The following TAB2 variants were observed in gnomAD, a reference collection of about 807,000 sequenced individuals.
The protein encoded by TAB2 is TGF-beta-activated kinase 1 and MAP3K7-binding protein 2.
TAB2 carries 3 observed loss-of-function variants against 65.0 expected under a neutral mutation model. That is an observed-to-expected ratio of 0.05 (90% CI 0.02 to 0.12). The LOEUF is 0.12. TAB2 is among the 10% of genes least tolerant of loss of function. The probability of loss-of-function intolerance (pLI) is 1.00; values close to 1 mark genes in which losing one functional copy is unlikely to be tolerated. For missense variants in TAB2, 623 were observed against 840.3 expected, an observed-to-expected ratio of 0.74 and a Z score of 3.20; for synonymous variants, 298 against 285.1, an observed-to-expected ratio of 1.05 and a Z score of -0.46.
At chr6:149,241,837 A>G (rs1400012438) in intron 1 of TAB2, among the ~76,000 whole-genome samples, 12 of 152,186 alleles carry the variant, frequency 7.9e-5, no homozygotes, top group East Asian at 3.8e-4. Context: ...ATACGAGTAG[A>G]AAGTAGAAAG....
At chr6:149,262,094 G>A (rs1778163670) in intron 1 of TAB2, among the ~76,000 whole-genome samples, 1 of 152,226 alleles carries the variant, frequency 6.6e-6, no homozygotes, top group Non-Finnish European at 1.5e-5. Context: ...TAGTGGAAAT[G>A]TGTGGATGTT....
intron 1 of TAB2, among the ~76,000 whole-genome samples, chr6:149,357,421 G>GAAAAAA (rs1244546884): frequency 7.4e-5 from 8 of 108,430 alleles, no homozygotes; most frequent in African/African-American, 3.1e-4. Context: ...GTCTCAAGGA[G>GAAAAAA]AAAAAAAAAA....
chr6:149,240,354 G>A (rs1043113968), intron 1 of TAB2, among the ~76,000 whole-genome samples: 2 of 152,134 alleles, frequency 1.3e-5, no homozygotes, highest in Non-Finnish European at 2.9e-5. Flanking sequence ...CGTGGTGGCA[G>A]GTTCCTCCAG....
In TAB2 at chr6:149,297,724, G is replaced by T. The variant is rs1778902080; in HGVS notation, c.-121+78948G>T. Among the ~76,000 whole-genome samples, 4 of 151,880 alleles carry T rather than the reference G, an allele frequency of 2.6e-5. 1 individual carries two copies. In the South Asian group the frequency reaches 8.3e-4, roughly 31 times the overall value. ...TGTTTTTATTTTTTTGTAGAGACAG[G>T]GTCTCACTATGTTGCCCAGGCTGAT... On this transcript the variant is annotated intron_variant, in intron 1 of 1. Transcript: ENST00000606202.
At chr6:149,308,921 GT>G (rs753967217) in intron 1 of TAB2, among the ~76,000 whole-genome samples, 8 of 151,998 alleles carry the variant, frequency 5.3e-5, no homozygotes, top group Admixed American at 2.0e-4. Context: ...TTAACTCTTA[GT>G]TTCTGTAGAC....
chr6:149,285,032 A>C (rs1160679142), intron 1 of TAB2, among the ~76,000 whole-genome samples: 1 of 152,140 alleles, frequency 6.6e-6, no homozygotes, highest in East Asian at 1.9e-4. Context: ...GAAATGAAAG[A>C]TGTGCCTGCT....
chr6:149,378,389 C>G lies in TAB2; in HGVS notation c.474C>G (p.His158Gln). 10 of 1,614,204 alleles carry G rather than the reference C, an allele frequency of 6.2e-6. No homozygotes were observed. The highest frequency in any genetic ancestry group is 8.5e-6 in the Non-Finnish European group (10 of 1,180,038). ...ASNSAPHLGF[H>Q]LGSKGTSSLS... is the part of the protein sequence containing the mutation. ...ATTCAGCACCACATCTTGGATTTCA[C>G]TTAGGCAGCAAAGGAACATCTAGCC... Residue 158 changes from histidine to glutamine, a missense_variant, in exon 3 of 7, where the codon CAC becomes CAG. Coordinates refer to ENST00000637181, the MANE Select transcript of TAB2 (RefSeq NM_001292034.3).
At chr6:149,263,426 G>T (rs1220088491) in intron 1 of TAB2, among the ~76,000 whole-genome samples, 2 of 152,130 alleles carry the variant, frequency 1.3e-5, no homozygotes, top group African/African-American at 4.8e-5. Context: ...TTGGCAGCCT[G>T]CTCTGCACAA....
At chr6:149,392,436 C>G (rs1305872223) in intron 3 of TAB2, among the ~76,000 whole-genome samples, 1 of 152,242 alleles carries the variant, frequency 6.6e-6, no homozygotes, top group Non-Finnish European at 1.5e-5. Context: ...CTTAAACCTA[C>G]AGCTACCTTC....
At chr6:149,398,968 TTCG>T in intron 5 of TAB2, 133 bp from the exon 6 acceptor site, 1 of 711,790 alleles carries the variant, frequency 1.4e-6, no homozygotes, top group East Asian at 2.7e-5. Flanking sequence ...TTACATATAA[TTCG>T]AGGTTAGAGG....
intron 3 of TAB2, among the ~76,000 whole-genome samples, chr6:149,383,259 T>TA (rs961905082): frequency 1.3e-4 from 20 of 152,082 alleles, no homozygotes; most frequent in African/African-American, 4.3e-4. Flanking sequence ...AAAGTAAAAA[T>TA]AAAAAAACTT....
At chr6:149,240,095 C>T (rs1777570404) in intron 1 of TAB2, among the ~76,000 whole-genome samples, 1 of 152,186 alleles carries the variant, frequency 6.6e-6, no homozygotes, top group Non-Finnish European at 1.5e-5. Context: ...CTGAAGGTAG[C>T]GCCAAACTGC....
intron 1 of TAB2, among the ~76,000 whole-genome samples, chr6:149,324,240 G>A (rs923055800): frequency 3.9e-5 from 6 of 152,068 alleles, no homozygotes; most frequent in African/African-American, 9.7e-5. Context: ...GTATAGGAAT[G>A]GGGATTTTAG....
intron 1 of TAB2, chr6:149,246,785 G>C (rs1260794477): frequency 6.6e-6 from 1 of 152,292 alleles, no homozygotes; most frequent in Non-Finnish European, 1.5e-5. Context: ...TCCCAGCTCA[G>C]CCTCCTGAGT....
chr6:149,306,337 G>A lies in TAB2; in HGVS notation c.-120-71681G>A, dbSNP rs1779068304. On this transcript the variant is annotated intron_variant, in intron 1 of 1. Coordinates refer to the TAB2 transcript ENST00000606202. ...GGGCTGATCACAAGGTCAGGAGATC[G>A]AGACCATCCTGGCTAACACGGTGAA... Among the ~76,000 whole-genome samples the A allele has an allele frequency of 2.6e-5, 4 of 152,020 alleles. No individual in the cohort carries two copies. In the South Asian group the frequency reaches 8.3e-4, roughly 32 times the overall value.
chr6:149,402,927 G>A (rs1782486052), intron 6 of TAB2, among the ~76,000 whole-genome samples: 1 of 152,018 alleles, frequency 6.6e-6, no homozygotes, highest in Non-Finnish European at 1.5e-5. Flanking sequence ...AAAAAGTTCA[G>A]CATTTATTCA....
intron 1 of TAB2, among the ~76,000 whole-genome samples, chr6:149,303,273 T>C (rs1779000727): frequency 6.6e-6 from 1 of 152,246 alleles, no homozygotes; most frequent in South Asian, 2.1e-4. Flanking sequence ...TGCAATGCTT[T>C]TGAATCATCC....
At chr6:149,290,951 A>G (rs994840374) in intron 1 of TAB2, among the ~76,000 whole-genome samples, 1 of 152,388 alleles carries the variant, frequency 6.6e-6, no homozygotes, top group South Asian at 2.1e-4. Context: ...CCTTCTTTAC[A>G]TTAAAAATTT....
chr6:149,276,593 T>C (rs867921480), intron 1 of TAB2, among the ~76,000 whole-genome samples: 4 of 152,204 alleles, frequency 2.6e-5, no homozygotes, highest in Admixed American at 1.3e-4. Context: ...TGAAAAGCTG[T>C]CCAACCTCAC....
Sources: allele counts gnomAD v4.1 joint callset (sites outside exome capture counted in the v4.1 genomes callset), GRCh38; gene constraint gnomAD v4.1.1; transcripts MANE v1.5; gene names NCBI Gene and HGNC (gene_info 2026-07-23, HGNC 2026-07-21).